CERKL: variants seen among roughly 807,000 people sequenced by gnomAD.
The protein encoded by CERKL is ceramide kinase-like protein.
A neutral mutation model predicts 63.4 loss-of-function variants in CERKL; 61 were observed. The ratio of observed to expected loss-of-function variants is 0.96; its 90% CI spans 0.78 to 1.19. The LOEUF (loss-of-function observed/expected upper bound fraction) is 1.19. CERKL is among the 50% of genes most tolerant of loss of function. CERKL has a pLI of 0.00. For synonymous variants in CERKL, 250 were observed against 230.5 expected (o/e 1.08, Z -0.77); for missense variants, 675 against 655.5 (o/e 1.03, Z -0.33).
intron 4 of CERKL, among the ~76,000 whole-genome samples, chr2:181,565,733 A>C (rs1349336780): frequency 6.6e-6 from 1 of 152,200 alleles, no homozygotes; most frequent in Non-Finnish European, 1.5e-5. Context: ...AACATCTTCC[A>C]TTAGTGCTTC....
chr2:181,595,996 T>C (rs1685191324), intron 2 of CERKL, among the ~76,000 whole-genome samples: 1 of 152,210 alleles, frequency 6.6e-6, no homozygotes, highest in Non-Finnish European at 1.5e-5. Flanking sequence ...AAGGAAGACA[T>C]GTTAACTTAT....
chr2:181,593,098 A>G (rs895224796), intron 2 of CERKL, among the ~76,000 whole-genome samples: 5 of 152,144 alleles, frequency 3.3e-5, no homozygotes, highest in African/African-American at 9.7e-5. Flanking sequence ...TCAGTAACCT[A>G]GCTAGATTGG....
At chr2:181,646,583 A>G (rs1169748701) in intron 1 of CERKL, among the ~76,000 whole-genome samples, 27 of 152,172 alleles carry the variant, frequency 1.8e-4, no homozygotes, top group Admixed American at 1.7e-3. Flanking sequence ...TGCAATACTG[A>G]CCAGAAAGCA....
At chr2:181,603,775 T>C (rs983386421) in intron 2 of CERKL, 62 bp downstream of exon 2, 2 of 1,525,052 alleles carry the variant, frequency 1.3e-6, no homozygotes, top group African/African-American at 1.4e-5. Flanking sequence ...AAAACATGTC[T>C]AGATTAATCA....
intron 2 of CERKL, among the ~76,000 whole-genome samples, chr2:181,595,447 G>T (rs968246854): frequency 6.6e-6 from 1 of 152,172 alleles, no homozygotes; most frequent in Admixed American, 6.5e-5. Context: ...CAAACAAGAT[G>T]ATATGGATAC....
At chr2:181,554,569 C>G (rs1688127162) in intron 5 of CERKL, among the ~76,000 whole-genome samples, 1 of 152,098 alleles carries the variant, frequency 6.6e-6, no homozygotes, top group South Asian at 2.1e-4. Flanking sequence ...CCCCCTCCCC[C>G]TTTTAATCAG....
At chr2:181,599,298 G>A (rs1685359312) in intron 2 of CERKL, among the ~76,000 whole-genome samples, 1 of 152,086 alleles carries the variant, frequency 6.6e-6, no homozygotes, top group Admixed American at 6.5e-5. Flanking sequence ...CACTTTGGGA[G>A]GCCAAGATGG....
intron 11 of CERKL, among the ~76,000 whole-genome samples, chr2:181,540,076 A>G (rs574281022): frequency 6.6e-6 from 1 of 152,190 alleles, no homozygotes; most frequent in East Asian, 1.9e-4. Flanking sequence ...TTAAAAGTTG[A>G]CAGAAAACTA....
intron 1 of CERKL, among the ~76,000 whole-genome samples, chr2:181,640,253 C>T (rs1282813681): frequency 6.6e-6 from 1 of 152,090 alleles, no homozygotes; most frequent in East Asian, 1.9e-4. Context: ...CTCCTCCTAG[C>T]TTATACCAAT....
In CERKL at chr2:181,566,108, T is replaced by C. The variant is rs780155397; in HGVS notation, c.627A>G (p.Glu209=). 1 of 1,610,714 alleles carries C rather than the reference T, an allele frequency of 6.2e-7. No individual in the cohort carries two copies. The highest frequency in any genetic ancestry group is 8.5e-7 in the Non-Finnish European group (1 of 1,177,272). Residue 209 remains glutamate (E), a synonymous_variant, in exon 4 of 13, where the codon GAA becomes GAG. Coordinates refer to ENST00000410087, the MANE Select transcript of CERKL (RefSeq NM_201548.5). The part of the protein sequence containing the change: ...IKTDVTIMEY[E]GHALSLLKEC... ...CCTTAAGCAGTGACAGAGCGTGCCC[T>C]TCATATTCCATTACTATTAAAAAAA...
rs1424551188 is a variant in CERKL at position 181,539,131 on chromosome 2, T to G, written c.1499A>C (p.Asp500Ala). The G allele has an allele frequency of 1.2e-6, 2 of 1,608,610 alleles. No homozygotes were observed. The highest frequency in any genetic ancestry group is 3.3e-5 in the Admixed American group (2 of 60,000). The stretch of plus-strand genomic sequence containing the variant: ...TGATGCAACTTCCATTAAGTCACCA[T>G]CTACATTCCAAGGGAAACAATTTTC... ...ASENCFPWNV[D>A]GDLMEVASEV... The change falls in exon 12 of 13, where the codon GAT (aspartate) becomes GCT (alanine). Residue 500 changes from aspartate to alanine, a missense_variant. Physicochemically the swap from Asp to Ala is moderately radical, Grantham distance 126 (BLOSUM62 -2). Coordinates refer to ENST00000410087, the MANE Select transcript of CERKL (RefSeq NM_201548.5).
chr2:181,645,994 G>A (rs1165605791), intron 1 of CERKL, among the ~76,000 whole-genome samples: 1 of 152,214 alleles, frequency 6.6e-6, no homozygotes, highest in African/African-American at 2.4e-5. Flanking sequence ...GTATGTAGCA[G>A]ATGGGAATTT....
intron 1 of CERKL, 143 bp from the exon 2 acceptor site, chr2:181,604,222 G>A (rs148268035): frequency 7.2e-5 from 46 of 636,820 alleles, no homozygotes; most frequent in African/African-American, 6.6e-4. Flanking sequence ...CTTAATACCT[G>A]GGTGATGAAA....
At position 181,604,049 on chromosome 2, in the gene CERKL, T is replaced by C; in HGVS notation, c.269A>G (p.Glu90Gly). 2 of 1,604,756 alleles carry C rather than the reference T, an allele frequency of 1.2e-6. No individual in the cohort carries two copies. The highest frequency in any genetic ancestry group is 1.7e-6 in the Non-Finnish European group (2 of 1,172,370). Residue 90 changes from glutamate to glycine, a missense_variant, in exon 2 of 13, where the codon GAA becomes GGA. Glu to Gly is a moderately conservative substitution (Grantham distance 98, BLOSUM62 -2). Transcript: ENST00000410087. ...GDSKYDLLCK[E>G]EFIELKDIFS... ...TATGTCTTTGAGTTCAATAAATTCT[T>C]CTTTACATAGCAAGTCATACTTAGA... is the stretch of plus-strand genomic sequence containing the variant.
At chr2:181,549,414 C>T (rs1303689500) in intron 6 of CERKL, among the ~76,000 whole-genome samples, 1 of 152,068 alleles carries the variant, frequency 6.6e-6, no homozygotes, top group Non-Finnish European at 1.5e-5. Flanking sequence ...GTACAGATTA[C>T]AATAAAACTT....
chr2:181,649,080 T>C (rs750474853), intron 1 of CERKL, among the ~76,000 whole-genome samples: 3 of 152,042 alleles, frequency 2.0e-5, no homozygotes, highest in African/African-American at 4.8e-5. Context: ...ATAAAAACCT[T>C]GAATGTAAAT....
intron 12 of CERKL, 100 bp from the exon 13 acceptor site, chr2:181,538,344 A>G (rs1687304888): frequency 1.4e-6 from 1 of 697,536 alleles, no homozygotes; most frequent in Non-Finnish European, 2.6e-6. Flanking sequence ...CAAATTGATA[A>G]CAAACACAGC....
At position 181,537,627 on chromosome 2, in the gene CERKL, A is replaced by G. The variant is rs1378005412; in HGVS notation, c.*557T>C. The G allele has an allele frequency of 4.6e-6, 2 of 434,516 alleles. No homozygotes were observed. Among genetic ancestry groups the G allele is most frequent in the Non-Finnish European group, 9.1e-6 (2 of 220,432 alleles). The allele number at this position is 434,516 out of a possible 1,614,324, so 26.9% of individuals were successfully genotyped here. ...TATAGGAAATTTAACATAATTGATG[A>G]GCTCAAATCCTGAAAAATGAAAGAA... On this transcript the variant is annotated 3_prime_UTR_variant, in exon 13 of 13. Coordinates refer to ENST00000410087, the MANE Select transcript of CERKL (RefSeq NM_201548.5).
At chr2:181,542,166 G>C (rs1010511830) in intron 11 of CERKL, among the ~76,000 whole-genome samples, 1 of 152,180 alleles carries the variant, frequency 6.6e-6, no homozygotes, top group Non-Finnish European at 1.5e-5. Flanking sequence ...ACAGTGAGAA[G>C]GGGGGCAAAG....
Sources: allele counts gnomAD v4.1 joint callset (sites outside exome capture counted in the v4.1 genomes callset), GRCh38; gene constraint gnomAD v4.1.1; transcripts MANE v1.5; gene names NCBI Gene and HGNC (gene_info 2026-07-23, HGNC 2026-07-21).